EPS8L3: variants seen among roughly 807,000 people sequenced by gnomAD.
The protein encoded by EPS8L3 is epidermal growth factor receptor kinase substrate 8-like protein 3.
A neutral mutation model predicts 88.5 loss-of-function variants in EPS8L3; 80 were observed. That is an observed-to-expected ratio of 0.90 (90% CI 0.75 to 1.09). The LOEUF is 1.09. EPS8L3 is among the 50% of genes least tolerant of loss of function. The pLI is 0.00. For synonymous variants in EPS8L3, 286 were observed against 291.0 expected, an observed-to-expected ratio of 0.98 and a Z score of 0.18; for missense variants, 721 against 735.2, an observed-to-expected ratio of 0.98 and a Z score of 0.22.
chr1:109,761,608 G>A (rs1371820534), intron 2 of EPS8L3, 49 bp from the exon 3 acceptor site: 2 of 1,609,808 alleles, frequency 1.2e-6, no homozygotes, highest in East Asian at 2.2e-5. Flanking sequence ...AGAACGAGGT[G>A]AGACTCAGGC....
intron 12 of EPS8L3, 74 bp downstream of exon 12, chr1:109,756,943 G>C (rs1482239985): frequency 6.3e-7 from 1 of 1,583,888 alleles, no homozygotes; most frequent in Non-Finnish European, 8.7e-7. Flanking sequence ...ATAGAGCCTG[G>C]CCACCTCTGA....
At position 109,758,612 on chromosome 1, in the gene EPS8L3, A is replaced by G. The variant is rs775917131; in HGVS notation, c.513T>C (p.Ala171=). Residue 171 remains alanine (A), a synonymous_variant, in exon 7 of 19, where the codon GCT becomes GCC. Coordinates refer to ENST00000361965, the MANE Select transcript of EPS8L3 (RefSeq NM_133181.4). ...GCTCCATAGGGAGCGGCCTTTCCAT[A>G]GCAGGCCCCCTCCATCTGTCCTGGC... ...QPGQDRWRGP[A]MERPLPMEQA... is the part of the protein sequence containing the mutation. 2 of 1,612,586 alleles carry G rather than the reference A, an allele frequency of 1.2e-6. No individual in the cohort carries two copies. Among genetic ancestry groups the G allele is most frequent in the Non-Finnish European group, 1.7e-6 (2 of 1,179,246 alleles).
Position 109,757,926 on chromosome 1 carries a change from C to T in EPS8L3, c.832+18G>A. On this transcript the variant is annotated intron_variant, in intron 9 of 18. Transcript: ENST00000361965. ...CCTGAGACACCCCTACTCCTCTTCC[C>T]TGGCCCTCAGTACTCACCTCCCTGG... is the stretch of plus-strand genomic sequence containing the variant. The T allele has an allele frequency of 1.2e-6, 2 of 1,613,912 alleles. No individual in the cohort carries two copies. Among genetic ancestry groups the T allele is most frequent in the Non-Finnish European group, 1.7e-6 (2 of 1,179,744 alleles).
intron 12 of EPS8L3, among the ~76,000 whole-genome samples, chr1:109,756,010 G>A (rs1270380566): frequency 2.0e-5 from 3 of 152,194 alleles, no homozygotes; most frequent in East Asian, 3.9e-4. Context: ...AGTTTGCCAA[G>A]GCCCTTGCCT....
rs79394341 is a variant in EPS8L3, at chr1:109,759,361, G to A, written c.282C>T (p.Asp94=). ...GCGCCACATTCATGGCCTGGATGCT[G>A]TCTAGGCGGTAAGAGTCCAGCTCCT... ...TKEELDSYRL[D]SIQAMNVALN... The change falls in exon 5 of 19, where the codon GAC becomes GAT. Residue 94 remains aspartate, a synonymous_variant. Coordinates refer to ENST00000361965, the MANE Select transcript of EPS8L3 (RefSeq NM_133181.4). This position sits in a 1 kb window ranked among gnomAD's most constrained non-coding sequence, Gnocchi z 4.2. The A allele has an allele frequency of 3.1e-6, 5 of 1,613,608 alleles. No individual in the cohort carries two copies. The highest frequency in any genetic ancestry group is 4.2e-6 in the Non-Finnish European group (5 of 1,179,900).
In EPS8L3 at chr1:109,757,102, T is replaced by C; in HGVS notation, c.1033A>G (p.Lys345Glu). The C allele has an allele frequency of 1.9e-6, 3 of 1,614,140 alleles. No homozygotes were observed. The highest frequency in any genetic ancestry group is 2.5e-6 in the Non-Finnish European group (3 of 1,179,978). The change falls in exon 12 of 19, where the codon AAA becomes GAA. Residue 345 changes from lysine to glutamate, a missense_variant. Transcript: ENST00000361965. ...CAGGACTGTAGCAGGTTGATAGCTTTAGGGGTGAGGAGGGGTGAGATCACT... is the reference window on the plus strand; with the variant it reads ...CAGGACTGTAGCAGGTTGATAGCTTCAGGGGTGAGGAGGGGTGAGATCACT... The part of the protein sequence containing the change: ...AQVISPLLTP[K>E]AINLLQSCLS...
chr1:109,759,544 T>C lies in EPS8L3; in HGVS notation c.255+134A>G. 1 of 1,481,654 alleles carries C rather than the reference T, an allele frequency of 6.7e-7. No individual in the cohort carries two copies. The highest frequency in any genetic ancestry group is 9.1e-7 in the Non-Finnish European group (1 of 1,101,416). The allele number at this position is 1,481,654 out of a possible 1,614,324, so 91.8% of individuals were successfully genotyped here. The stretch of plus-strand genomic sequence containing the variant: ...GTCCCCAGCCTCTGTCCCCTGTCTC[T>C]TCCTAGGCTTGGGTGTGTGTTGTAT... On this transcript the variant is annotated intron_variant, in intron 4 of 18. Transcript: ENST00000361965. This position sits in a 1 kb window ranked among gnomAD's most constrained non-coding sequence, Gnocchi z 4.2.
At chr1:109,761,639 G>C (rs542233984) in intron 2 of EPS8L3, 80 bp from the exon 3 acceptor site, 39 of 1,604,998 alleles carry the variant, frequency 2.4e-5, no homozygotes, top group Non-Finnish European at 3.3e-5. Flanking sequence ...GGCAGTTGGT[G>C]TGAGGAAGGG....
intron 12 of EPS8L3, among the ~76,000 whole-genome samples, chr1:109,756,053 T>C (rs1650254496): frequency 6.6e-6 from 1 of 152,230 alleles, no homozygotes; most frequent in Admixed American, 6.5e-5. Flanking sequence ...ACTATGCTTG[T>C]CAAGGTACGT....
intron 13 of EPS8L3, 80 bp from the exon 14 acceptor site, chr1:109,752,800 G>C: frequency 7.8e-7 from 1 of 1,285,458 alleles, no homozygotes; most frequent in Non-Finnish European, 1.1e-6. Flanking sequence ...TCCGACCACA[G>C]GCATAAGCAG....
At chr1:109,756,555 A>T (rs1570689012) in intron 12 of EPS8L3, among the ~76,000 whole-genome samples, 1 of 152,028 alleles carries the variant, frequency 6.6e-6, no homozygotes, top group East Asian at 1.9e-4. Context: ...TTTTTTGTCC[A>T]GCTGCCCATC....
Position 109,759,136 on chromosome 1 carries a change from G to T in EPS8L3, c.406-19C>A. On this transcript the variant is annotated intron_variant, in intron 5 of 18. Transcript: ENST00000361965. This position sits in a 1 kb window ranked among gnomAD's most constrained non-coding sequence, Gnocchi z 4.2. ...GCTCTGCCTGGGAAGCAGCAGTCAG[G>T]CAGGCTAAGTGTGTGTGTGTGTGTG... 5 of 1,601,228 alleles carry T rather than the reference G, an allele frequency of 3.1e-6. No individual in the cohort carries two copies. Among genetic ancestry groups the T allele is most frequent in the East Asian group, 4.5e-5 (2 of 44,450 alleles).
Position 109,761,702 on chromosome 1 carries a change from G to A in EPS8L3, c.31+17C>T, listed in dbSNP as rs1350784769. On this transcript the variant is annotated intron_variant, in intron 2 of 18. Coordinates refer to ENST00000361965, the MANE Select transcript of EPS8L3 (RefSeq NM_133181.4). ...CTCAGTGGGAGGGCACGGGAGAGGG[G>A]CCTGCCAGGAGCTTACAGTAAATGG... The A allele has an allele frequency of 1.2e-6, 2 of 1,613,702 alleles. No homozygotes were observed. The highest frequency in any genetic ancestry group is 1.7e-6 in the Non-Finnish European group (2 of 1,179,912).
Position 109,750,743 on chromosome 1 carries a change from T to G in EPS8L3, c.1687A>C (p.Arg563=). ...CATAGCATCTGTAGCTCCCCAGGTCTTATGCGAAGTAGCTGGCTCCCCGTC... is the reference window on the plus strand; with the variant it reads ...CATAGCATCTGTAGCTCCCCAGGTCGTATGCGAAGTAGCTGGCTCCCCGTC... The part of the protein sequence containing the change: ...SLTGSQLLRI[R]PGELQMLCPQ... The change falls in exon 18 of 19, where the codon AGA becomes CGA. Residue 563 remains arginine, a synonymous_variant. Transcript: ENST00000361965. 2 of 1,614,210 alleles carry G rather than the reference T, an allele frequency of 1.2e-6. No individual in the cohort carries two copies. The highest frequency in any genetic ancestry group is 2.2e-5 in the South Asian group (2 of 91,082).
chr1:109,754,451 A>G (rs545693340), intron 12 of EPS8L3, among the ~76,000 whole-genome samples: 2 of 152,270 alleles, frequency 1.3e-5, no homozygotes, highest in African/African-American at 4.8e-5. Flanking sequence ...TCTATTTTCT[A>G]TGTTTCTGTC....
In EPS8L3 at chr1:109,750,371, G is replaced by C; in HGVS notation, c.*20C>G. On this transcript the variant is annotated 3_prime_UTR_variant, in exon 19 of 19. Coordinates refer to ENST00000361965, the MANE Select transcript of EPS8L3 (RefSeq NM_133181.4). ...CTTGCATCAGCGGGGCCTGGTTCTT[G>C]GAGGTGTCTAAGCTGGTGCCTAAGG... 2 of 1,613,606 alleles carry C rather than the reference G, an allele frequency of 1.2e-6. No homozygotes were observed. Among genetic ancestry groups the C allele is most frequent in the Non-Finnish European group, 1.7e-6 (2 of 1,179,788 alleles).
intron 12 of EPS8L3, among the ~76,000 whole-genome samples, chr1:109,754,185 C>T (rs556773960): frequency 1.3e-5 from 2 of 152,262 alleles, no homozygotes; most frequent in South Asian, 4.1e-4. Context: ...ATATCCTCTG[C>T]CTATATATTC....
chr1:109,761,823 T>C, intron 1 of EPS8L3, 50 bp from the exon 2 acceptor site: 1 of 1,538,358 alleles, frequency 6.5e-7, no homozygotes. Context: ...GGGAAAGGTG[T>C]ACCAGGCACA....
chr1:109,757,511 G>A lies in EPS8L3; in HGVS notation c.939C>T (p.Leu313=), dbSNP rs267597912. The part of the protein sequence containing the change: ...TWLKETSAPE[L]VHILFKSLNF... The stretch of plus-strand genomic sequence containing the variant: ...TCAGGGACTTGAAGAGGATGTGTAC[G>A]AGCTCAGGGGCACTTGTCTCCTTCA... The change falls in exon 11 of 19, where the codon CTC becomes CTT. Residue 313 remains leucine, a synonymous_variant. Transcript: ENST00000361965. The A allele has an allele frequency of 1.4e-5, 22 of 1,613,956 alleles. No individual in the cohort carries two copies. The highest frequency in any genetic ancestry group is 2.7e-5 in the African/African-American group (2 of 74,914).
Sources: gnomAD v4.1 joint callset for allele counts (sites outside exome capture counted in the v4.1 genomes callset) on GRCh38, gnomAD v4.1.1 for gene constraint, Gnocchi (gnomAD v3.1) non-coding constraint, MANE v1.5 for transcripts, NCBI Gene and HGNC (gene_info 2026-07-23, HGNC 2026-07-21) for gene names.